The following PTPN14 variants were observed in gnomAD, a reference collection of about 807,000 sequenced individuals.
PTPN14 encodes the protein protein tyrosine phosphatase non-receptor type 14.
Under a neutral mutation model 126.8 loss-of-function variants are expected in PTPN14, and 53 were observed. That is an observed-to-expected ratio of 0.42 (90% CI 0.34 to 0.53). The LOEUF (loss-of-function observed/expected upper bound fraction) is 0.53. Among genes scored for constraint, PTPN14 ranks in the 20% least tolerant of loss-of-function variants. The pLI is 0.08. For synonymous variants in PTPN14, 630 were observed against 599.3 expected, an observed-to-expected ratio of 1.05 and a Z score of -0.75; for missense variants, 1,257 against 1,552.9, an observed-to-expected ratio of 0.81 and a Z score of 3.20.
intron 3 of PTPN14, among the ~76,000 whole-genome samples, chr1:214,450,828 T>C (rs1199114735): frequency 6.6e-6 from 1 of 152,220 alleles, no homozygotes; most frequent in African/African-American, 2.4e-5. Flanking sequence ...TCACTGAATA[T>C]GCTTTATGAA....
intron 1 of PTPN14, among the ~76,000 whole-genome samples, chr1:214,549,047 C>T (rs1395120093): frequency 2.0e-5 from 3 of 152,134 alleles, no homozygotes; most frequent in Non-Finnish European, 4.4e-5. Context: ...TGTGAAGGGG[C>T]TGTTCCTGAG....
intron 14 of PTPN14, 96 bp downstream of exon 14, chr1:214,377,863 C>A: frequency 4.2e-6 from 6 of 1,421,442 alleles, no homozygotes; most frequent in Non-Finnish European, 5.7e-6. Context: ...AAGAATGCAT[C>A]ACACAAATCT....
chr1:214,364,376 AC>A lies in PTPN14; in HGVS notation c.3435+135del. The stretch of plus-strand genomic sequence containing the variant: ...TGTAAATGTCAGAGTCAAACTAGGA[AC>A]CAGGAGCCTGGAAAACTCTGGTTGG... On this transcript the variant is annotated intron_variant, in intron 18 of 18. Transcript: ENST00000366956. The surrounding 1 kb of genome is among the most constrained non-coding windows in gnomAD (Gnocchi z 4.1). 1 of 1,162,594 alleles carries A rather than the reference AC, an allele frequency of 8.6e-7. No individual in the cohort carries two copies. 72.0% of individuals were successfully genotyped at this position (1,162,594 alleles called of 1,614,324 possible).
In PTPN14 at chr1:214,384,556, C is replaced by A; in HGVS notation, c.1299G>T (p.Ala433=). The A allele has an allele frequency of 6.2e-7, 1 of 1,614,084 alleles. No homozygotes were observed. ...TTGGCCTGTACGAGGGCACGATGAT[C>A]GCGCTGTGCCGGTGGCTCGGGATGT... ...ADYIPSHRHS[A]IIVPSYRPTP... is the part of the protein sequence containing the mutation. Residue 433 remains alanine (A), a synonymous_variant, in exon 13 of 19, where the codon GCG becomes GCT. Transcript: ENST00000366956. The surrounding 1 kb of genome is among the most constrained non-coding windows in gnomAD (Gnocchi z 5.3).
intron 1 of PTPN14, among the ~76,000 whole-genome samples, chr1:214,539,954 CAATAATTTTCTAAAGAATA>C (rs1385477691): frequency 1.6e-4 from 24 of 152,212 alleles, no homozygotes; most frequent in African/African-American, 5.8e-4. Flanking sequence ...TTAGGTAAAA[CAATAATTTTCTAAAGAATA>C]TAATTAAGAC....
At chr1:214,439,770 T>A (rs1659998299) in intron 3 of PTPN14, among the ~76,000 whole-genome samples, 1 of 152,182 alleles carries the variant, frequency 6.6e-6, no homozygotes, top group Non-Finnish European at 1.5e-5. Flanking sequence ...ATGTCTCAAT[T>A]TTCCACCCTT....
At chr1:214,428,104 GC>G (rs1558097897) in intron 3 of PTPN14, among the ~76,000 whole-genome samples, 1 of 152,202 alleles carries the variant, frequency 6.6e-6, no homozygotes, top group African/African-American at 2.4e-5. Flanking sequence ...GGTACTGGCT[GC>G]TTTGTAGACA....
chr1:214,364,356 A>T lies in PTPN14; in HGVS notation c.3435+156T>A. Among the ~76,000 whole-genome samples the T allele has an allele frequency of 6.6e-6, 1 of 152,122 alleles. No homozygotes were observed. The highest frequency in any genetic ancestry group is 1.5e-5 in the Non-Finnish European group (1 of 68,018). The stretch of plus-strand genomic sequence containing the variant: ...GGCAAAAAGATAAGGAGGGCTGTAA[A>T]TGTCAGAGTCAAACTAGGAACCAGG... On this transcript the variant is annotated intron_variant, in intron 18 of 18. Transcript: ENST00000366956. The surrounding 1 kb of genome is among the most constrained non-coding windows in gnomAD (Gnocchi z 4.1).
At chr1:214,433,763 A>G (rs1044994184) in intron 3 of PTPN14, among the ~76,000 whole-genome samples, 1 of 152,070 alleles carries the variant, frequency 6.6e-6, no homozygotes, top group African/African-American at 2.4e-5. Flanking sequence ...AAATGTGGGT[A>G]AATGGTACAA....
At chr1:214,537,887 C>A (rs79382153) in intron 1 of PTPN14, among the ~76,000 whole-genome samples, 4 of 152,080 alleles carry the variant, frequency 2.6e-5, no homozygotes, top group African/African-American at 9.7e-5. Context: ...TAAATCAAGA[C>A]AGGTGAAATT....
At chr1:214,545,054 G>A (rs780177662) in intron 1 of PTPN14, among the ~76,000 whole-genome samples, 4 of 152,150 alleles carry the variant, frequency 2.6e-5, no homozygotes, top group South Asian at 4.1e-4. Flanking sequence ...AGTGTTAGGG[G>A]CGCTAGCACA....
At chr1:214,423,619 G>A (rs1659593200) in intron 3 of PTPN14, among the ~76,000 whole-genome samples, 1 of 152,164 alleles carries the variant, frequency 6.6e-6, no homozygotes, top group Admixed American at 6.5e-5. Flanking sequence ...ATCACTGCAG[G>A]TGCCCCTACT....
rs1400315035 is a variant in PTPN14, at chr1:214,424,885, T to C, written c.345-10159A>G. 7.0e-5 allele frequency among the ~76,000 whole-genome samples: 9 copies of C among 129,282 alleles called. No homozygotes were observed. The Admixed American group carries it at 7.8e-4, about 11-fold the overall frequency. The allele number at this position is 129,282 out of a possible 152,430, so 84.8% of individuals were successfully genotyped here. A position where few individuals can be genotyped will look rare whatever the true frequency, so the allele number is the denominator to read the frequency against. On this transcript the variant is annotated intron_variant, in intron 3 of 18. Coordinates refer to ENST00000366956, the MANE Select transcript of PTPN14 (RefSeq NM_005401.5). Reference sequence around the variant, plus strand: ...CATTCCATGTGGCCACTATGATCCATGTTCAGCCTCTCCCCAATCACAGCA... The same window carrying C: ...CATTCCATGTGGCCACTATGATCCACGTTCAGCCTCTCCCCAATCACAGCA...
At chr1:214,536,692 G>A (rs975737128) in intron 1 of PTPN14, among the ~76,000 whole-genome samples, 2 of 152,034 alleles carry the variant, frequency 1.3e-5, no homozygotes, top group East Asian at 3.8e-4. Flanking sequence ...GGCTGAGGTA[G>A]GAAGATCTCA....
intron 1 of PTPN14, among the ~76,000 whole-genome samples, chr1:214,549,275 T>C (rs1656045654): frequency 6.6e-6 from 1 of 152,192 alleles, no homozygotes; most frequent in Admixed American, 6.5e-5. Context: ...TGCTACTGCA[T>C]TGTAAGAAAC....
In PTPN14 at chr1:214,353,237, C is replaced by T. The variant is rs1333075282; in HGVS notation, c.*4685G>A. ...TGTTCAAGTCTTTTATATAAAATAG[C>T]ACAGTATTTGCATATAACCTATGCA... On this transcript the variant is annotated 3_prime_UTR_variant, in exon 19 of 19. Coordinates refer to ENST00000366956, the MANE Select transcript of PTPN14 (RefSeq NM_005401.5). 1 of 152,194 alleles carries T rather than the reference C, an allele frequency of 6.6e-6. No homozygotes were observed. The highest frequency in any genetic ancestry group is 2.4e-5 in the African/African-American group (1 of 41,442). The allele number at this position is 152,194 out of a possible 1,614,324, so 9.4% of individuals were successfully genotyped here.
chr1:214,364,011 G>T lies in PTPN14; in HGVS notation c.3435+501C>A, dbSNP rs550005158. On this transcript the variant is annotated intron_variant, in intron 18 of 18. Transcript: ENST00000366956. The surrounding 1 kb of genome is among the most constrained non-coding windows in gnomAD (Gnocchi z 4.1). ...GTGCTCAAAGTATCTACTCTGCTCC[G>T]CTACACCACGCAACAACCAGACTAG... 6.6e-6 allele frequency among the ~76,000 whole-genome samples: 1 copy of T among 152,172 alleles called. No homozygotes were observed. Among genetic ancestry groups the T allele is most frequent in the Admixed American group, 6.5e-5 (1 of 15,276 alleles).
intron 3 of PTPN14, among the ~76,000 whole-genome samples, chr1:214,417,978 A>T (rs1195845703): frequency 6.6e-6 from 1 of 152,216 alleles, no homozygotes; most frequent in Non-Finnish European, 1.5e-5. Context: ...AGGATGGTGA[A>T]GACAGGAGGA....
chr1:214,415,553 G>T (rs1174267435), intron 3 of PTPN14, among the ~76,000 whole-genome samples: 1 of 152,098 alleles, frequency 6.6e-6, no homozygotes. Context: ...TTTGCTCCTG[G>T]TAACTGTAAC....
Sources: gnomAD v4.1 joint callset for allele counts (sites outside exome capture counted in the v4.1 genomes callset) on GRCh38, gnomAD v4.1.1 for gene constraint, Gnocchi (gnomAD v3.1) non-coding constraint, MANE v1.5 for transcripts, NCBI Gene and HGNC (gene_info 2026-07-23, HGNC 2026-07-21) for gene names.